Variants in SLC39A12 observed in about 807,000 individuals in gnomAD.
The protein encoded by SLC39A12 is solute carrier family 39 member 12, also known as zinc transporter ZIP12.
In SLC39A12, 63 loss-of-function variants were observed where a neutral mutation model predicts 71.1. The observed-to-expected ratio is 0.89, with a 90% CI of 0.72 to 1.09. The LOEUF (loss-of-function observed/expected upper bound fraction) is 1.09. Among genes scored for constraint, SLC39A12 ranks in the 50% least tolerant of loss-of-function variants. The pLI is 0.00. For missense variants in SLC39A12, 892 were observed against 812.6 expected (o/e 1.10, Z -1.19); for synonymous variants, 351 against 301.3 (o/e 1.16, Z -1.71).
intron 3 of SLC39A12, among the ~76,000 whole-genome samples, chr10:17,962,563 T>A (rs1437130324): frequency 2.6e-5 from 4 of 151,944 alleles, no homozygotes; most frequent in Non-Finnish European, 5.9e-5. Flanking sequence ...TTTTTTTTTT[T>A]AAAGAATTAA....
At chr10:18,017,825 A>G (rs946355457) in intron 12 of SLC39A12, among the ~76,000 whole-genome samples, 6 of 152,186 alleles carry the variant, frequency 3.9e-5, no homozygotes, top group African/African-American at 1.4e-4. Flanking sequence ...CAGGCCTCCA[A>G]TATTTTTCAG....
Position 17,953,333 on chromosome 10 carries a change from C to A in SLC39A12, c.57C>A (p.Ser19Arg). Reference sequence around the variant, plus strand: ...GGGTGCCATTGTTTCTTCTACTCAGCCGTGTTTTTTCTACTGAGACAGACA... The same window carrying A: ...GGGTGCCATTGTTTCTTCTACTCAGACGTGTTTTTTCTACTGAGACAGACA... Reference protein sequence around the residue: ...VSWVPLFLLLSRVFSTETDKP... With the variant: ...VSWVPLFLLLRRVFSTETDKP... Residue 19 changes from serine to arginine, a missense_variant, in exon 2 of 13, where the codon AGC becomes AGA. By Grantham distance (110) the Ser-to-Arg change is moderately radical (BLOSUM62 -1). Transcript: ENST00000377369. 6.2e-7 allele frequency: 1 copy of A among 1,614,194 alleles called. No homozygotes were observed. The highest frequency in any genetic ancestry group is 8.5e-7 in the Non-Finnish European group (1 of 1,180,050).
At chr10:18,006,487 G>A (rs1438053987) in intron 12 of SLC39A12, among the ~76,000 whole-genome samples, 4 of 152,206 alleles carry the variant, frequency 2.6e-5, no homozygotes, top group African/African-American at 9.6e-5. Context: ...CAAAGCAGCT[G>A]GGAAGACAAA....
At chr10:18,007,808 T>C (rs1836074108) in intron 12 of SLC39A12, among the ~76,000 whole-genome samples, 1 of 152,202 alleles carries the variant, frequency 6.6e-6, no homozygotes, top group Non-Finnish European at 1.5e-5. Context: ...GGTGAGACTT[T>C]GCTGGTTTCC....
At chr10:18,025,324 C>A (rs1210921214) in intron 12 of SLC39A12, among the ~76,000 whole-genome samples, 1 of 152,006 alleles carries the variant, frequency 6.6e-6, no homozygotes, top group African/African-American at 2.4e-5. Flanking sequence ...TGTTGGTGTG[C>A]TGCACCCAGT....
intron 4 of SLC39A12, among the ~76,000 whole-genome samples, chr10:17,972,104 A>T (rs1244763299): frequency 6.6e-6 from 1 of 151,868 alleles, no homozygotes; most frequent in Non-Finnish European, 1.5e-5. Context: ...GTCATTCAGG[A>T]GCTATTGTTT....
chr10:17,964,761 A>T (rs1413335662), intron 3 of SLC39A12, among the ~76,000 whole-genome samples: 2 of 152,362 alleles, frequency 1.3e-5, no homozygotes, highest in East Asian at 1.9e-4. Flanking sequence ...GACGCAAGGC[A>T]GCAGAGCCTG....
chr10:17,978,314 T>C (rs1835167750), intron 5 of SLC39A12, among the ~76,000 whole-genome samples: 1 of 152,190 alleles, frequency 6.6e-6, no homozygotes, highest in Non-Finnish European at 1.5e-5. Flanking sequence ...CTCCCTTGGG[T>C]TCAGATTGAG....
At chr10:17,964,303 T>C (rs1028117274) in intron 3 of SLC39A12, among the ~76,000 whole-genome samples, 13 of 152,360 alleles carry the variant, frequency 8.5e-5, no homozygotes, top group Middle Eastern at 3.4e-3. Context: ...TAACTGATTC[T>C]TAGCCTTCCA....
At chr10:18,032,758 C>G (rs1432318351) in intron 12 of SLC39A12, among the ~76,000 whole-genome samples, 1 of 151,910 alleles carries the variant, frequency 6.6e-6, no homozygotes, top group East Asian at 1.9e-4. Flanking sequence ...CCAGTTTTTG[C>G]CCATTCAATA....
chr10:17,981,992 CA>C (rs990495796), intron 6 of SLC39A12, among the ~76,000 whole-genome samples: 10 of 152,128 alleles, frequency 6.6e-5, no homozygotes, highest in Non-Finnish European at 1.3e-4. Context: ...AATTTCTCCC[CA>C]AGACTGTTTC....
intron 12 of SLC39A12, chr10:18,009,534 A>G (rs1836140336): frequency 6.6e-6 from 1 of 152,262 alleles, no homozygotes; most frequent in South Asian, 2.1e-4. Context: ...ATGCTCTTTA[A>G]AAACTTCATT....
intron 4 of SLC39A12, among the ~76,000 whole-genome samples, chr10:17,969,533 G>A (rs1472080986): frequency 6.6e-6 from 1 of 152,134 alleles, no homozygotes; most frequent in Non-Finnish European, 1.5e-5. Context: ...GCATTTCTCT[G>A]ATGATCAGTG....
chr10:18,027,305 C>A (rs11012228), intron 12 of SLC39A12, among the ~76,000 whole-genome samples: 8,830 of 152,226 alleles, frequency 0.058, 392 homozygotes, highest in East Asian at 0.21. Flanking sequence ...GGGTATTTTC[C>A]TTCCCCAGGT....
At chr10:17,961,385 A>T (rs7095391) in intron 2 of SLC39A12, among the ~76,000 whole-genome samples, 196 bp from the exon 3 acceptor site, 47,019 of 152,086 alleles carry the variant, frequency 0.31, 7,625 homozygotes, top group African/African-American at 0.38. Context: ...TTATTCTTAG[A>T]GGAAAAAAGG....
In SLC39A12 at chr10:18,043,165, T is replaced by G. The variant is rs574832533; in HGVS notation, c.*332T>G. 37 of 159,230 alleles carry G rather than the reference T, an allele frequency of 2.3e-4. No homozygotes were observed. The highest frequency in any genetic ancestry group is 3.8e-4 in the Non-Finnish European group (28 of 72,774). 9.9% of individuals were successfully genotyped at this position (159,230 alleles called of 1,614,324 possible). A position where few individuals can be genotyped will look rare whatever the true frequency, so the allele number is the denominator to read the frequency against. On this transcript the variant is annotated 3_prime_UTR_variant, in exon 13 of 13. Transcript: ENST00000377369. ...GAAAGAATGTTTGTAGAATTTAAAG[T>G]GGACAGATGCCTGTTGGAGTAAAAT...
intron 2 of SLC39A12, among the ~76,000 whole-genome samples, chr10:17,958,592 C>T (rs1554848003): frequency 6.6e-6 from 1 of 152,158 alleles, no homozygotes; most frequent in Non-Finnish European, 1.5e-5. Context: ...AGAATGGGTC[C>T]TGTTCTTCGA....
At chr10:18,005,763 ATCCTGTGAGATTCC>A (rs1431592441) in intron 12 of SLC39A12, 4 of 152,190 alleles carry the variant, frequency 2.6e-5, no homozygotes, top group Non-Finnish European at 5.9e-5. Context: ...TGTGACTGAT[ATCCTGTGAGATTCC>A]AGCTGGCATA....
At chr10:17,967,848 C>G (rs1393216221) in intron 4 of SLC39A12, among the ~76,000 whole-genome samples, 1 of 149,266 alleles carries the variant, frequency 6.7e-6, no homozygotes. Flanking sequence ...GTTCCCGCCA[C>G]TGTACTCCAG....
Sources: gnomAD v4.1 joint callset for allele counts (sites outside exome capture counted in the v4.1 genomes callset) on GRCh38, gnomAD v4.1.1 for gene constraint, MANE v1.5 for transcripts, NCBI Gene and HGNC (gene_info 2026-07-23, HGNC 2026-07-21) for gene names.